The following FRMD4A variants were observed in gnomAD, a reference collection of about 807,000 sequenced individuals.
FRMD4A encodes FERM domain-containing protein 4A.
A neutral mutation model predicts 129.1 loss-of-function variants in FRMD4A; 29 were observed. The ratio of observed to expected loss-of-function variants is 0.22; its 90% CI spans 0.17 to 0.31. The LOEUF (loss-of-function observed/expected upper bound fraction) is 0.31, where lower values mean the gene tolerates loss of function less well. Ranked by LOEUF, FRMD4A falls within the 10% of genes least tolerant of loss-of-function variation. The pLI is 1.00. For synonymous variants in FRMD4A, 634 were observed against 571.6 expected, an observed-to-expected ratio of 1.11 and a Z score of -1.56; for missense variants, 1,272 against 1,375.8, an observed-to-expected ratio of 0.92 and a Z score of 1.19.
intron 2 of FRMD4A, among the ~76,000 whole-genome samples, chr10:13,892,038 A>C (rs2094705787): frequency 7.2e-6 from 1 of 139,620 alleles, no homozygotes; most frequent in Non-Finnish European, 1.6e-5. Context: ...CCCCCCCAGA[A>C]AGCCAGGGAC....
At position 13,973,501 on chromosome 10, in the gene FRMD4A, T is replaced by C. The variant is rs1274940209; in HGVS notation, c.46-114589A>G. Among the ~76,000 whole-genome samples, 3 of 152,202 alleles carry C rather than the reference T, an allele frequency of 2.0e-5. No homozygotes were observed. The East Asian group carries it at 5.8e-4, about 29-fold the overall frequency. ...TCACCTGGCCCATTTTAATGTAAAC[T>C]CTTTTTTGGATAGTTTTATCATTTT... On this transcript the variant is annotated intron_variant, in intron 2 of 24. Coordinates refer to ENST00000357447, the MANE Select transcript of FRMD4A (RefSeq NM_018027.5).
intron 2 of FRMD4A, 45 bp downstream of exon 2, chr10:14,330,013 T>G: frequency 1.9e-6 from 3 of 1,541,688 alleles, no homozygotes; most frequent in Non-Finnish European, 2.6e-6. Flanking sequence ...CAGGGGAGGC[T>G]GGAGTGGACG....
At chr10:13,654,711 A>G in intron 22 of FRMD4A, 199 bp from the exon 23 acceptor site, 1 of 573,344 alleles carries the variant, frequency 1.7e-6, no homozygotes, top group Non-Finnish European at 3.1e-6. Flanking sequence ...TGCCCCCCCA[A>G]CCTCTGCATC....
chr10:14,200,682 G>C (rs1234978313), intron 2 of FRMD4A, among the ~76,000 whole-genome samples: 1 of 152,196 alleles, frequency 6.6e-6, no homozygotes, highest in Non-Finnish European at 1.5e-5. Flanking sequence ...AGCCTCCTCA[G>C]CCTTCTCTCT....
At chr10:14,199,761 T>TTACCACAGGCACCCCCACCTTGCAAGGC (rs1251877806) in intron 2 of FRMD4A, among the ~76,000 whole-genome samples, 4 of 144,628 alleles carry the variant, frequency 2.8e-5, no homozygotes, top group South Asian at 2.2e-4. Flanking sequence ...AGTTTTAATC[T>TTACCACAGGCACCCCCACCTTGCAAGGC]TAATCTTTCA....
At chr10:14,041,926 A>G (rs1351752312) in intron 2 of FRMD4A, among the ~76,000 whole-genome samples, 1 of 152,198 alleles carries the variant, frequency 6.6e-6, no homozygotes, top group Admixed American at 6.5e-5. Context: ...GGAGACAGTG[A>G]CTGAAACGAG....
intron 2 of FRMD4A, among the ~76,000 whole-genome samples, chr10:14,075,503 G>A (rs1159257365): frequency 1.3e-5 from 2 of 152,160 alleles, no homozygotes; most frequent in African/African-American, 2.4e-5. Flanking sequence ...TCTTTCTGTC[G>A]TTGCTCCTTC....
intron 2 of FRMD4A, among the ~76,000 whole-genome samples, chr10:14,198,280 G>A (rs1231703774): frequency 6.6e-6 from 1 of 152,226 alleles, no homozygotes. Context: ...CGAGAGTGAT[G>A]GGGATGTTCC....
chr10:14,027,616 C>CAAACAA lies in FRMD4A; in HGVS notation c.46-168710_46-168705dup, dbSNP rs200117051. On this transcript the variant is annotated intron_variant, in intron 2 of 24. Transcript: ENST00000357447. ...GAACAACAAGAGCTAAACTCTGTCT[C>CAAACAA]AAACAAAAACAAAAACAAAAACAAA... Among the ~76,000 whole-genome samples the CAAACAA allele has an allele frequency of 3.0e-4, 46 of 152,274 alleles. No homozygotes were observed. The East Asian group carries it at 4.4e-3, about 15-fold the overall frequency.
intron 2 of FRMD4A, among the ~76,000 whole-genome samples, chr10:13,911,460 A>G (rs183627617): frequency 6.6e-6 from 1 of 152,370 alleles, no homozygotes; most frequent in East Asian, 1.9e-4. Flanking sequence ...CTAGCAAATC[A>G]GAGTTCATTC....
At chr10:14,330,307 GA>G (rs35432616) in intron 1 of FRMD4A, 124 bp from the exon 2 acceptor site, 25,220 of 415,814 alleles carry the variant, frequency 0.061, 6 homozygotes, top group South Asian at 0.086. Context: ...GCTTAGGGAG[GA>G]AAAAAAAAAA....
At chr10:13,964,132 G>GAAAAAAAAAAAA (rs57593743) in intron 2 of FRMD4A, among the ~76,000 whole-genome samples, 1 of 124,392 alleles carries the variant, frequency 8.0e-6, no homozygotes, top group Admixed American at 8.5e-5. Context: ...ACAGGCATTA[G>GAAAAAAAAAAAA]AAAAAAAAAA....
intron 15 of FRMD4A, among the ~76,000 whole-genome samples, chr10:13,688,774 T>TCC (rs2085357576): frequency 2.0e-5 from 3 of 152,098 alleles, no homozygotes; most frequent in Non-Finnish European, 2.9e-5. Context: ...AATGCAGTGG[T>TCC]GTAATTTCAG....
chr10:14,001,197 G>A (rs948001100), intron 2 of FRMD4A, among the ~76,000 whole-genome samples: 1 of 152,174 alleles, frequency 6.6e-6, no homozygotes, highest in African/African-American at 2.4e-5. Context: ...ACTGATGCCT[G>A]GATCCTATCC....
intron 2 of FRMD4A, among the ~76,000 whole-genome samples, chr10:14,152,983 A>G (rs1267848762): frequency 6.6e-6 from 1 of 152,176 alleles, no homozygotes; most frequent in Non-Finnish European, 1.5e-5. Flanking sequence ...GGCTCCTGGG[A>G]ATGCTGGATC....
Position 13,937,704 on chromosome 10 carries a change from C to T in FRMD4A, c.46-78792G>A, listed in dbSNP as rs150769249. Reference sequence around the variant, plus strand: ...ATAAAACTGAAATGAAAAAAAGGGACTTAAAATTAAAATTTAAAAAGCTCT... The same window carrying T: ...ATAAAACTGAAATGAAAAAAAGGGATTTAAAATTAAAATTTAAAAAGCTCT... On this transcript the variant is annotated intron_variant, in intron 2 of 24. Coordinates refer to ENST00000357447, the MANE Select transcript of FRMD4A (RefSeq NM_018027.5). 3.9e-4 allele frequency among the ~76,000 whole-genome samples: 60 copies of T among 152,268 alleles called. 1 individual carries two copies. Among genetic ancestry groups the T allele is most frequent in the Admixed American group, 3.7e-3 (56 of 15,280 alleles).
At chr10:14,270,137 T>C (rs1178800890) in intron 2 of FRMD4A, among the ~76,000 whole-genome samples, 1 of 152,214 alleles carries the variant, frequency 6.6e-6, no homozygotes, top group Non-Finnish European at 1.5e-5. Flanking sequence ...CTGAGAGAGA[T>C]ACCATCATCT....
chr10:14,297,929 C>T (rs1413917488), intron 2 of FRMD4A, among the ~76,000 whole-genome samples: 1 of 152,182 alleles, frequency 6.6e-6, no homozygotes, highest in Non-Finnish European at 1.5e-5. Context: ...AGTTCTGCCA[C>T]AGACCAGCAA....
intron 2 of FRMD4A, among the ~76,000 whole-genome samples, chr10:13,944,441 A>G (rs768495153): frequency 3.9e-5 from 6 of 152,058 alleles, no homozygotes; most frequent in Non-Finnish European, 8.8e-5. Flanking sequence ...CTGATTCTAC[A>G]TTATGTTGAG....
Sources: allele counts gnomAD v4.1 joint callset (sites outside exome capture counted in the v4.1 genomes callset), GRCh38; gene constraint gnomAD v4.1.1; transcripts MANE v1.5; gene names NCBI Gene and HGNC (gene_info 2026-07-23, HGNC 2026-07-21).